HTR2C: variants seen among roughly 807,000 people sequenced by gnomAD.
HTR2C encodes 5-hydroxytryptamine receptor 2C, also known as 5-hydroxytryptamine (serotonin) receptor 2C, G protein-coupled.
In HTR2C, 5 loss-of-function variants were observed where a neutral mutation model predicts 21.0. The observed-to-expected ratio is 0.24, with a 90% CI of 0.12 to 0.50. The LOEUF is 0.50. Among genes scored for constraint, HTR2C ranks in the 20% least tolerant of loss-of-function variants. The pLI is 0.98. For synonymous variants in HTR2C, 150 were observed against 145.3 expected, an observed-to-expected ratio of 1.03 and a Z score of -0.23; for missense variants, 271 against 371.2, an observed-to-expected ratio of 0.73 and a Z score of 2.22.
intron 5 of HTR2C, among the ~76,000 whole-genome samples, chrX:114,873,335 A>G (rs1234669463): frequency 3.6e-5 from 4 of 111,200 alleles, no homozygotes; most frequent in Admixed American, 2.9e-4. Context: ...TCAAGAGTCC[A>G]TCATTCCTGG....
intron 5 of HTR2C, among the ~76,000 whole-genome samples, chrX:114,874,737 G>A (rs1341169098): frequency 2.7e-5 from 3 of 111,150 alleles, no homozygotes; most frequent in African/African-American, 9.8e-5. Flanking sequence ...TCAAACTCCT[G>A]ACCTCAGGTG....
intron 5 of HTR2C, among the ~76,000 whole-genome samples, chrX:114,859,305 G>T (rs1217073847): frequency 1.8e-5 from 2 of 109,560 alleles, no homozygotes; most frequent in African/African-American, 6.8e-5. Flanking sequence ...AGCCTGCAGG[G>T]TGGTATGTGT....
At chrX:114,865,622 A>G (rs2071039297) in intron 5 of HTR2C, among the ~76,000 whole-genome samples, 1 of 110,994 alleles carries the variant, frequency 9.0e-6, no homozygotes, top group South Asian at 3.8e-4. Flanking sequence ...GCATTTTCCC[A>G]GTGACTTAGG....
chrX:114,655,940 A>T (rs2147838038), intron 2 of HTR2C, among the ~76,000 whole-genome samples: 1 of 111,086 alleles, frequency 9.0e-6, no homozygotes, highest in Admixed American at 9.6e-5. Flanking sequence ...TTGCATGGTA[A>T]TTTCAGCCAA....
intron 5 of HTR2C, among the ~76,000 whole-genome samples, chrX:114,879,126 A>G (rs1456917377): frequency 9.2e-6 from 1 of 108,800 alleles, no homozygotes; most frequent in East Asian, 2.8e-4. Flanking sequence ...TTTTCCATCA[A>G]TTCTGTCAGT....
intron 4 of HTR2C, among the ~76,000 whole-genome samples, chrX:114,790,801 CA>C (rs201406562): frequency 1.8e-5 from 2 of 111,138 alleles, no homozygotes; most frequent in East Asian, 5.6e-4. Context: ...GATTTAATCA[CA>C]AAAAAGAGTA....
intron 4 of HTR2C, among the ~76,000 whole-genome samples, chrX:114,813,348 A>G (rs893916852): frequency 1.8e-5 from 2 of 111,995 alleles, no homozygotes; most frequent in East Asian, 5.6e-4. Context: ...TCTCACTCAG[A>G]CAGTTGAATT....
chrX:114,901,393 G>A (rs1414670321), intron 5 of HTR2C, among the ~76,000 whole-genome samples: 2 of 111,952 alleles, frequency 1.8e-5, no homozygotes. Flanking sequence ...ATCAGAGTCA[G>A]TAAGCACTCA....
At chrX:114,612,450 C>T (rs1262451485) in intron 1 of HTR2C, among the ~76,000 whole-genome samples, 1 of 111,671 alleles carries the variant, frequency 9.0e-6, no homozygotes, top group African/African-American at 3.3e-5. Flanking sequence ...ATTTATTTGT[C>T]CTACTGCAAA....
intron 4 of HTR2C, among the ~76,000 whole-genome samples, chrX:114,843,450 TAATA>T (rs1483111260): frequency 9.0e-6 from 1 of 110,676 alleles, no homozygotes; most frequent in Non-Finnish European, 1.9e-5. Flanking sequence ...AAAGAGAAAA[TAATA>T]AATAAAAATG....
At chrX:114,596,939 C>T (rs888666249) in intron 1 of HTR2C, among the ~76,000 whole-genome samples, 1 of 110,782 alleles carries the variant, frequency 9.0e-6, no homozygotes, top group African/African-American at 3.3e-5. Flanking sequence ...TTTTTTGTGT[C>T]GGCCATGGTG....
At chrX:114,671,322 C>T (rs140052839) in intron 2 of HTR2C, among the ~76,000 whole-genome samples, 1,299 of 111,920 alleles carry the variant, frequency 0.012, 16 homozygotes, top group African/African-American at 0.04. Flanking sequence ...ATGGCAAAAG[C>T]AATTAAATAG....
chrX:114,772,494 G>C (rs1556437289), intron 4 of HTR2C, among the ~76,000 whole-genome samples: 1 of 106,811 alleles, frequency 9.4e-6, no homozygotes, highest in Non-Finnish European at 1.9e-5. Context: ...TGGTGGGGGG[G>C]CCTTGATTCT....
At chrX:114,752,411 C>A (rs2069768980) in intron 4 of HTR2C, among the ~76,000 whole-genome samples, 1 of 111,028 alleles carries the variant, frequency 9.0e-6, no homozygotes, top group Non-Finnish European at 1.9e-5. Flanking sequence ...GATCCCCTTC[C>A]AAGCCACCTA....
At chrX:114,844,221 C>A (rs2070856957) in intron 4 of HTR2C, among the ~76,000 whole-genome samples, 1 of 111,001 alleles carries the variant, frequency 9.0e-6, no homozygotes, top group Admixed American at 9.6e-5. Context: ...TAATTTATGA[C>A]CAATAGCAAC....
At position 114,761,887 on chromosome X, in the gene HTR2C, ATGTG is replaced by A. The variant is rs1341490636; in HGVS notation, c.349+30282_349+30285del. 5.0e-3 allele frequency among the ~76,000 whole-genome samples: 533 copies of A among 106,865 alleles called. 15 individuals carry two copies. The highest frequency in any genetic ancestry group is 0.018 in the African/African-American group (504 of 27,696). The allele number at this position is 106,865 out of a possible 115,157, so 92.8% of individuals were successfully genotyped here. ...TCTCTCTCTCTCTATATATATATAT[ATGTG>A]TATATATACATATATGTGTATATAT... On this transcript the variant is annotated intron_variant, in intron 4 of 5. Transcript: ENST00000276198.
At chrX:114,900,332 G>T in intron 5 of HTR2C, 1 of 204,165 alleles carries the variant, frequency 4.9e-6, no homozygotes, top group East Asian at 1.3e-4. Flanking sequence ...TGGGGTGGCA[G>T]GTATTAGGGA....
chrX:114,669,999 G>A (rs1350269836), intron 2 of HTR2C, among the ~76,000 whole-genome samples: 1 of 111,628 alleles, frequency 9.0e-6, no homozygotes, highest in Admixed American at 9.5e-5. Flanking sequence ...AGCACTTTGG[G>A]AGGCCAAGGC....
intron 4 of HTR2C, among the ~76,000 whole-genome samples, chrX:114,803,146 G>A (rs1348509137): frequency 6.2e-5 from 6 of 96,806 alleles, no homozygotes; most frequent in Non-Finnish European, 1.2e-4. Context: ...GGACATTTGG[G>A]TTGGTCCCAA....
Sources: allele counts gnomAD v4.1 joint callset (sites outside exome capture counted in the v4.1 genomes callset), GRCh38; gene constraint gnomAD v4.1.1; transcripts MANE v1.5; gene names NCBI Gene and HGNC (gene_info 2026-07-23, HGNC 2026-07-21).